The following SLC2A10 variants were observed in gnomAD, a reference collection of about 807,000 sequenced individuals.
SLC2A10 encodes the protein solute carrier family 2 member 10.
Under a neutral mutation model 32.1 loss-of-function variants are expected in SLC2A10, and 25 were observed. That is an observed-to-expected ratio of 0.78 (90% CI 0.57 to 1.09). The LOEUF (loss-of-function observed/expected upper bound fraction) is 1.09, where lower values mean the gene tolerates loss of function less well. SLC2A10 is among the 50% of genes least tolerant of loss of function. The pLI is 0.00. For synonymous variants in SLC2A10, 332 were observed against 309.6 expected, an observed-to-expected ratio of 1.07 and a Z score of -0.76; for missense variants, 673 against 686.5, an observed-to-expected ratio of 0.98 and a Z score of 0.22.
At chr20:46,722,733 T>C (rs1979628827) in intron 1 of SLC2A10, among the ~76,000 whole-genome samples, 1 of 152,250 alleles carries the variant, frequency 6.6e-6, no homozygotes, top group Non-Finnish European at 1.5e-5. Flanking sequence ...AGTCATGAAA[T>C]GGCAGTTACT....
At chr20:46,728,604 GTTTTTTTTTTTTTT>G (rs778644499) in intron 3 of SLC2A10, among the ~76,000 whole-genome samples, 1 of 101,340 alleles carries the variant, frequency 9.9e-6, no homozygotes, top group East Asian at 3.0e-4. Flanking sequence ...TTCTGGGTGT[GTTTTTTTTTTTTTT>G]TTTTTTTTTT....
At position 46,726,906 on chromosome 20, in the gene SLC2A10, G is replaced by A. The variant is rs148324236; in HGVS notation, c.1331G>A (p.Arg444Gln). ...VLSEIYPVEI[R>Q]GRAFAFCNSF... The stretch of plus-strand genomic sequence containing the variant: ...AGCGAGATCTACCCTGTGGAGATAC[G>A]AGGAAGAGCCTTCGCCTTCTGCAAC... The change falls in exon 3 of 5, where the codon CGA becomes CAA. Residue 444 changes from arginine (R) to glutamine (Q), a missense_variant. Coordinates refer to ENST00000359271, the MANE Select transcript of SLC2A10 (RefSeq NM_030777.4). The A allele has an allele frequency of 9.9e-6, 16 of 1,613,998 alleles. No homozygotes were observed. Among genetic ancestry groups the A allele is most frequent in the African/African-American group, 2.7e-5 (2 of 74,888 alleles).
At chr20:46,710,118 G>T (rs989188196) in intron 1 of SLC2A10, 4 of 453,102 alleles carry the variant, frequency 8.8e-6, no homozygotes, top group Non-Finnish European at 1.5e-5. Flanking sequence ...GCTGAGCGCG[G>T]TTGTGCCCCA....
chr20:46,730,187 A>C (rs3091788), intron 4 of SLC2A10, among the ~76,000 whole-genome samples: 56,966 of 152,042 alleles, frequency 0.37, 11,549 homozygotes, highest in East Asian at 0.6. Flanking sequence ...GGCTTCATGC[A>C]TTCATTCCGT....
At chr20:46,728,522 C>G (rs1011003940) in intron 3 of SLC2A10, among the ~76,000 whole-genome samples, 2 of 151,908 alleles carry the variant, frequency 1.3e-5, no homozygotes, top group African/African-American at 4.8e-5. Context: ...TCTCCCAAAC[C>G]AGTCACAGGT....
At chr20:46,720,780 C>T (rs1979506914) in intron 1 of SLC2A10, among the ~76,000 whole-genome samples, 1 of 152,256 alleles carries the variant, frequency 6.6e-6, no homozygotes, top group Non-Finnish European at 1.5e-5. Context: ...GTTGTAACAT[C>T]TTTCATTAAT....
intron 1 of SLC2A10, among the ~76,000 whole-genome samples, chr20:46,712,731 G>A (rs965784822): frequency 7.8e-6 from 1 of 127,664 alleles, no homozygotes; most frequent in Admixed American, 1.0e-4. Context: ...TCGGCTCACT[G>A]CAACCTCTGC....
upstream of SLC2A10, among the ~76,000 whole-genome samples, chr20:46,708,343 G>A (rs892299759): frequency 6.6e-6 from 1 of 152,170 alleles, no homozygotes; most frequent in Non-Finnish European, 1.5e-5. Flanking sequence ...ATAAGGCTGC[G>A]CCCATGTGAG....
Position 46,725,712 on chromosome 20 carries a change from G to A in SLC2A10, c.676G>A (p.Asp226Asn), listed in dbSNP as rs142402955. Residue 226 changes from aspartate to asparagine, a missense_variant, in exon 2 of 5, where the codon GAT becomes AAT. Coordinates refer to ENST00000359271, the MANE Select transcript of SLC2A10 (RefSeq NM_030777.4). Reference sequence around the variant, plus strand: ...CTTTCTGGACCTCTTCAGGGCACGCGATAACATGCGAGGCCGGACCACAGT... The same window carrying A: ...CTTTCTGGACCTCTTCAGGGCACGCAATAACATGCGAGGCCGGACCACAGT... ...YSFLDLFRARDNMRGRTTVGL... is the reference protein window; with the variant it reads ...YSFLDLFRARNNMRGRTTVGL... 106 of 1,614,098 alleles carry A rather than the reference G, an allele frequency of 6.6e-5. No homozygotes were observed. In the Middle Eastern group the frequency reaches 1.3e-3, roughly 20 times the overall value.
Position 46,726,072 on chromosome 20 carries a change from G to C in SLC2A10, c.1036G>C (p.Gly346Arg), listed in dbSNP as rs778827775. 63 of 1,614,084 alleles carry C rather than the reference G, an allele frequency of 3.9e-5. 1 individual carries two copies. The South Asian group carries it at 6.8e-4, about 17-fold the overall frequency. Residue 346 changes from glycine to arginine, a missense_variant, in exon 2 of 5, where the codon GGC (glycine) becomes CGC (arginine). Transcript: ENST00000359271. ...TGQTGLPGDS[G>R]LLQDSSLPPI... ...GCAGACAGGCCTCCCTGGAGACTCT[G>C]GCCTGCTGCAGGACTCCTCTCTACC...
chr20:46,711,225 A>G (rs538042219), intron 1 of SLC2A10, among the ~76,000 whole-genome samples: 10 of 152,318 alleles, frequency 6.6e-5, no homozygotes, highest in African/African-American at 2.2e-4. Flanking sequence ...AACACTGGCT[A>G]TGATGTAGGT....
At chr20:46,709,860 A>T (rs1228408875) in intron 1 of SLC2A10, 120 bp downstream of exon 1, 2 of 1,260,114 alleles carry the variant, frequency 1.6e-6, no homozygotes, top group Non-Finnish European at 2.2e-6. Flanking sequence ...CCCCGGCCGG[A>T]TACCGCCTCT....
In SLC2A10 at chr20:46,725,219, C is replaced by G. The variant is rs776067514; in HGVS notation, c.183C>G (p.Ala61=). ...VGSLLLGALL[A]SLVGGFLIDC... ...GCCTGCTCCTGGGGGCTCTCCTCGC[C>G]TCCCTGGTTGGTGGCTTCCTCATTG... Residue 61 remains alanine, a synonymous_variant, in exon 2 of 5, where the codon GCC becomes GCG. Transcript: ENST00000359271. The G allele has an allele frequency of 1.2e-5, 19 of 1,614,178 alleles. No individual in the cohort carries two copies. Among genetic ancestry groups the G allele is most frequent in the Non-Finnish European group, 1.5e-5 (18 of 1,180,012 alleles).
At chr20:46,721,517 T>C (rs1003909484) in intron 1 of SLC2A10, among the ~76,000 whole-genome samples, 2 of 151,784 alleles carry the variant, frequency 1.3e-5, no homozygotes, top group African/African-American at 2.4e-5. Flanking sequence ...GTGTACTAAT[T>C]GGGAGCTTTT....
Position 46,727,166 on chromosome 20 carries a change from GC to G in SLC2A10, c.1411+181del, listed in dbSNP as rs201022621. ...ATGCACTGTAAAACTCCCCAGGCCA[GC>G]TAATGGGTGATGGTCTACACCCAGT... is the stretch of plus-strand genomic sequence containing the variant. On this transcript the variant is annotated intron_variant, in intron 3 of 4. Transcript: ENST00000359271. 0.046 allele frequency among the ~76,000 whole-genome samples: 7,076 copies of G among 152,204 alleles called. 225 individuals carry two copies. Among genetic ancestry groups the G allele is most frequent in the Non-Finnish European group, 0.074 (5,026 of 68,002 alleles).
upstream of SLC2A10, among the ~76,000 whole-genome samples, chr20:46,708,954 A>G (rs1600651543): frequency 6.6e-6 from 1 of 152,226 alleles, no homozygotes; most frequent in African/African-American, 2.4e-5. Flanking sequence ...AAGCTAAAGC[A>G]GCCACCTGTG....
intron 1 of SLC2A10, among the ~76,000 whole-genome samples, chr20:46,716,583 T>C (rs1979254482): frequency 6.6e-6 from 1 of 152,218 alleles, no homozygotes; most frequent in African/African-American, 2.4e-5. Context: ...TGGATTATTC[T>C]AGATGCTTCC....
At chr20:46,720,825 A>T (rs144994806) in intron 1 of SLC2A10, among the ~76,000 whole-genome samples, 65 of 152,340 alleles carry the variant, frequency 4.3e-4, no homozygotes, top group African/African-American at 1.6e-3. Context: ...CTGATCTAGT[A>T]ACATTTCCTC....
chr20:46,723,583 A>C (rs1006831647), intron 1 of SLC2A10, among the ~76,000 whole-genome samples: 7 of 152,242 alleles, frequency 4.6e-5, no homozygotes, highest in Non-Finnish European at 8.8e-5. Context: ...AAAATGAAAA[A>C]TAAAAGTAGA....
Sources: gnomAD v4.1 joint callset for allele counts (sites outside exome capture counted in the v4.1 genomes callset) on GRCh38, gnomAD v4.1.1 for gene constraint, MANE v1.5 for transcripts, NCBI Gene and HGNC (gene_info 2026-07-23, HGNC 2026-07-21) for gene names.